The following TRIM37 variants were observed in gnomAD, a reference collection of about 807,000 sequenced individuals.
The protein encoded by TRIM37 is tripartite motif containing 37.
Under a neutral mutation model 129.8 loss-of-function variants are expected in TRIM37, and 80 were observed. The observed-to-expected ratio is 0.62, with a 90% CI of 0.51 to 0.74. TRIM37 has a LOEUF of 0.74. Ranked by LOEUF, TRIM37 falls within the 30% of genes least tolerant of loss-of-function variation. TRIM37 has a pLI of 0.00. For missense variants in TRIM37, 1,054 were observed against 1,176.5 expected (o/e 0.90, Z 1.52); for synonymous variants, 389 against 387.1 (o/e 1.00, Z -0.06).
At chr17:59,064,065 C>A in intron 10 of TRIM37, 1 of 283,190 alleles carries the variant, frequency 3.5e-6, no homozygotes, top group Non-Finnish European at 6.6e-6. Flanking sequence ...GAGGTTGAGG[C>A]TGCAGTGAGC....
chr17:58,992,783 A>G (rs187738735), intron 24 of TRIM37, among the ~76,000 whole-genome samples: 17 of 152,266 alleles, frequency 1.1e-4, no homozygotes, highest in African/African-American at 1.7e-4. Flanking sequence ...CTGTCTAATG[A>G]CACCCACAGC....
chr17:59,004,954 TAA>T (rs1367687927), intron 22 of TRIM37, among the ~76,000 whole-genome samples: 3 of 152,178 alleles, frequency 2.0e-5, no homozygotes, highest in Admixed American at 2.0e-4. Context: ...TTTCCTGTTC[TAA>T]AAGAGTGAAG....
rs867901457 is a variant in TRIM37, at chr17:58,998,443, G to A, written c.*934C>T. ...TAGCAGCTCAAACACAAATGCAGGAGCACAATGGCAAAGTTTGGCAACTGT... is the reference window on the plus strand; with the variant it reads ...TAGCAGCTCAAACACAAATGCAGGAACACAATGGCAAAGTTTGGCAACTGT... On this transcript the variant is annotated 3_prime_UTR_variant, in exon 24 of 24. Transcript: ENST00000262294. 2.0e-6 allele frequency: 2 copies of A among 985,302 alleles called. No homozygotes were observed. The highest frequency in any genetic ancestry group is 4.7e-5 in the South Asian group (1 of 21,292). 61.0% of individuals were successfully genotyped at this position (985,302 alleles called of 1,614,324 possible).
At chr17:59,024,745 C>T (rs992344706) in intron 19 of TRIM37, among the ~76,000 whole-genome samples, 1 of 152,196 alleles carries the variant, frequency 6.6e-6, no homozygotes, top group African/African-American at 2.4e-5. Flanking sequence ...TGATGTTGAA[C>T]TCCTGGGCTC....
intron 14 of TRIM37, 129 bp from the exon 15 acceptor site, chr17:59,049,522 TCA>T: frequency 1.1e-6 from 1 of 876,286 alleles, no homozygotes; most frequent in African/African-American, 1.7e-5. Flanking sequence ...GAGAATGGTC[TCA>T]CTCTGTTGCC....
Position 59,081,151 on chromosome 17 carries a change from C to T in TRIM37, c.438G>A (p.Glu146=). The change falls in exon 6 of 24, where the codon GAG becomes GAA. Residue 146 remains glutamate (E), a synonymous_variant. Transcript: ENST00000262294. ...YEQHVTKVNE[E]VAKLRRRLME... The stretch of plus-strand genomic sequence containing the variant: ...TGAGACGCCGACGAAGTTTGGCTAC[C>T]TCTTCATTCACTTTAGTGACGTGTT... 6.2e-7 allele frequency: 1 copy of T among 1,613,638 alleles called. No homozygotes were observed. The highest frequency in any genetic ancestry group is 2.2e-5 in the East Asian group (1 of 44,844).
rs2041737644 is a variant in TRIM37, at chr17:59,064,183, T to TA, written c.860+171dup. 4 of 618,346 alleles carry TA rather than the reference T, an allele frequency of 6.5e-6. No homozygotes were observed. In the South Asian group the frequency reaches 8.8e-5, roughly 14 times the overall value. The allele number at this position is 618,346 out of a possible 1,614,324, so 38.3% of individuals were successfully genotyped here. A position where few individuals can be genotyped will look rare whatever the true frequency, so the allele number is the denominator to read the frequency against. ...ACTAGAGAAGCAGTCAGTCTAAAGATACAATATAATCCAGCACAAATTATC... is the reference window on the plus strand; with the variant it reads ...ACTAGAGAAGCAGTCAGTCTAAAGATAACAATATAATCCAGCACAAATTATC... On this transcript the variant is annotated intron_variant, in intron 10 of 23. Transcript: ENST00000262294.
chr17:59,094,109 A>AGT (rs970428570), intron 2 of TRIM37, among the ~76,000 whole-genome samples: 5 of 152,132 alleles, frequency 3.3e-5, no homozygotes, highest in Non-Finnish European at 7.4e-5. Context: ...TGGCCAGGCT[A>AGT]GTCTCCAACT....
intron 8 of TRIM37, among the ~76,000 whole-genome samples, chr17:59,071,867 T>C (rs1252057023): frequency 2.0e-5 from 3 of 152,194 alleles, no homozygotes; most frequent in African/African-American, 7.2e-5. Flanking sequence ...CATACAAAAC[T>C]AAAATAGTAA....
chr17:59,046,545 T>G lies in TRIM37; in HGVS notation c.1667+1138A>C, dbSNP rs542527176. Among the ~76,000 whole-genome samples, 149 of 110,784 alleles carry G rather than the reference T, an allele frequency of 1.3e-3. 2 individuals are homozygous for G. The Middle Eastern group carries it at 0.02, about 15-fold the overall frequency. The allele number at this position is 110,784 out of a possible 152,430, so 72.7% of individuals were successfully genotyped here. On this transcript the variant is annotated intron_variant, in intron 16 of 23. Transcript: ENST00000262294. ...AGTATTAGTCATGAAAAACAGTTTT[T>G]TTTTTTTTTTGAGACAGAGTCTCAA...
intron 5 of TRIM37, among the ~76,000 whole-genome samples, chr17:59,081,964 A>AAAAAAAAAATAAT (rs1568200247): frequency 1.1e-5 from 1 of 87,228 alleles, no homozygotes; most frequent in African/African-American, 5.1e-5. Context: ...AAAAAAAAAA[A>AAAAAAAAAATAAT]AATAATAATA....
downstream of TRIM37, chr17:58,982,428 A>T (rs2143843088): frequency 6.5e-6 from 1 of 153,440 alleles, no homozygotes; most frequent in East Asian, 1.9e-4. Context: ...AGCCTGGCCA[A>T]TGCCTATGGG....
At position 59,026,989 on chromosome 17, in the gene TRIM37, T is replaced by C. The variant is rs1034306466; in HGVS notation, c.2257+1426A>G. On this transcript the variant is annotated intron_variant, in intron 19 of 23. Transcript: ENST00000262294. ...CTCCTATTTATCAGATCTTTAAATGTTTAAGTGCCACAGAGTCAAAAATTT... is the reference window on the plus strand; with the variant it reads ...CTCCTATTTATCAGATCTTTAAATGCTTAAGTGCCACAGAGTCAAAAATTT... Among the ~76,000 whole-genome samples, 4 of 152,332 alleles carry C rather than the reference T, an allele frequency of 2.6e-5. No homozygotes were observed. In the South Asian group the frequency reaches 8.3e-4, roughly 32 times the overall value.
intron 15 of TRIM37, among the ~76,000 whole-genome samples, chr17:59,048,230 T>C (rs1219739895): frequency 1.3e-5 from 2 of 152,202 alleles, no homozygotes; most frequent in African/African-American, 4.8e-5. Context: ...CTGCCTTACC[T>C]GCAAACTCCA....
At chr17:59,056,699 GAGC>G (rs2040922845) in intron 13 of TRIM37, among the ~76,000 whole-genome samples, 173 bp downstream of exon 13, 1 of 86,656 alleles carries the variant, frequency 1.2e-5, no homozygotes, top group Non-Finnish European at 2.3e-5. Context: ...CAGGGCGACA[GAGC>G]GAGACTATGT....
intron 11 of TRIM37, among the ~76,000 whole-genome samples, chr17:59,061,836 C>T (rs972997846): frequency 1.3e-5 from 2 of 151,976 alleles, no homozygotes; most frequent in African/African-American, 2.4e-5. Flanking sequence ...GATATGACTA[C>T]AGAGAGGTAC....
chr17:59,048,215 T>C (rs1290623569), intron 15 of TRIM37, among the ~76,000 whole-genome samples: 1 of 152,204 alleles, frequency 6.6e-6, no homozygotes, highest in Non-Finnish European at 1.5e-5. Flanking sequence ...TCCCCAACTT[T>C]TCAGCTGCCT....
At position 59,061,010 on chromosome 17, in the gene TRIM37, GTTAT is replaced by G. The variant is rs1275139490; in HGVS notation, c.1019+18_1019+21del. 1 of 1,593,526 alleles carries G rather than the reference GTTAT, an allele frequency of 6.3e-7. No individual in the cohort carries two copies. Among genetic ancestry groups the G allele is most frequent in the East Asian group, 2.2e-5 (1 of 44,660 alleles). ...AGGTATGTAAATGCACATTAAGGTT[GTTAT>G]TTAATTACACTTCTTACTTAGAAGT... is the stretch of plus-strand genomic sequence containing the variant. On this transcript the variant is annotated intron_variant, in intron 12 of 23. Coordinates refer to ENST00000262294, the MANE Select transcript of TRIM37 (RefSeq NM_015294.6).
rs869221576 is a variant in TRIM37 at position 59,056,716 on chromosome 17, C to CAAAAAAAAAAAAAAAAAAAAAAAAAAAAA, written c.1199+130_1199+158dup. Among the ~76,000 whole-genome samples, 5 of 38,042 alleles carry CAAAAAAAAAAAAAAAAAAAAAAAAAAAAA rather than the reference C, an allele frequency of 1.3e-4. 1 individual carries two copies. Among genetic ancestry groups the CAAAAAAAAAAAAAAAAAAAAAAAAAAAAA allele is most frequent in the Non-Finnish European group, 2.0e-4 (4 of 19,820 alleles). 25.0% of individuals were successfully genotyped at this position (38,042 alleles called of 152,430 possible). A position where few individuals can be genotyped will look rare whatever the true frequency, so the allele number is the denominator to read the frequency against. On this transcript the variant is annotated intron_variant, in intron 13 of 23. Transcript: ENST00000262294. ...GGGCGACAGAGCGAGACTATGTCTC[C>CAAAAAAAAAAAAAAAAAAAAAAAAAAAAA]AAAAAAAAAAAAAAAAAAAAAAAAA...
Sources: gnomAD v4.1 joint callset for allele counts (sites outside exome capture counted in the v4.1 genomes callset) on GRCh38, gnomAD v4.1.1 for gene constraint, MANE v1.5 for transcripts, NCBI Gene and HGNC (gene_info 2026-07-23, HGNC 2026-07-21) for gene names.